PIK3R3: variants seen among roughly 807,000 people sequenced by gnomAD.
The protein encoded by PIK3R3 is phosphoinositide-3-kinase regulatory subunit 3, also known as phosphatidylinositol 3-kinase regulatory subunit gamma.
In PIK3R3, 64 loss-of-function variants were observed where a neutral mutation model predicts 62.9. That is an observed-to-expected ratio of 1.02 (90% CI 0.83 to 1.25). PIK3R3 has a LOEUF of 1.25. Among genes scored for constraint, PIK3R3 ranks in the 50% most tolerant of loss-of-function variants. The pLI is 0.00. For missense variants in PIK3R3, 614 were observed against 561.6 expected (o/e 1.09, Z -0.94); for synonymous variants, 165 against 189.0 (o/e 0.87, Z 1.04).
At chr1:46,135,741 G>A (rs992372660), upstream of PIK3R3, among the ~76,000 whole-genome samples, 3 of 152,092 alleles carry the variant, frequency 2.0e-5, no homozygotes, top group Non-Finnish European at 4.4e-5. Context: ...TAAAAGCCTT[G>A]CAAAATGGGG....
intron 2 of PIK3R3, among the ~76,000 whole-genome samples, chr1:46,080,429 G>A (rs569584867): frequency 6.6e-6 from 1 of 151,696 alleles, no homozygotes; most frequent in Non-Finnish European, 1.5e-5. Context: ...AGAGTTGGGG[G>A]TCTTACTCTG....
intron 6 of PIK3R3, among the ~76,000 whole-genome samples, chr1:46,059,044 C>T (rs1315033353): frequency 6.6e-6 from 1 of 152,222 alleles, no homozygotes; most frequent in Non-Finnish European, 1.5e-5. Flanking sequence ...GCGGTTTCCC[C>T]ACTACTGTTC....
chr1:46,116,116 T>C (rs1396524633), intron 1 of PIK3R3, among the ~76,000 whole-genome samples: 1 of 152,202 alleles, frequency 6.6e-6, no homozygotes, highest in East Asian at 1.9e-4. Flanking sequence ...ATGGAATAAA[T>C]ACTTAAATTA....
the PIK3R3 span, among the ~76,000 whole-genome samples, chr1:46,142,296 A>G: frequency 6.6e-6 from 1 of 152,238 alleles, no homozygotes; most frequent in Non-Finnish European, 1.5e-5. Context: ...TATCTGAGCT[A>G]GTTCCTTTTC....
chr1:46,167,688 G>A, the PIK3R3 span, among the ~76,000 whole-genome samples: 2 of 152,194 alleles, frequency 1.3e-5, no homozygotes, highest in Admixed American at 6.5e-5. Context: ...TGTGCTCACA[G>A]AGCACAGGCA....
Position 46,059,075 on chromosome 1 carries a change from C to A in PIK3R3, c.764+2854G>T, listed in dbSNP as rs573976248. ...TGTTCTCATTGTAGTGAGTAAGTTT[C>A]ACGAGATCTGATGGTTTTATCAGGG... On this transcript the variant is annotated intron_variant, in intron 6 of 9. Coordinates refer to ENST00000262741, the MANE Select transcript of PIK3R3 (RefSeq NM_003629.4). Among the ~76,000 whole-genome samples, 106 of 152,312 alleles carry A rather than the reference C, an allele frequency of 7.0e-4. 1 individual carries two copies. The highest frequency in any genetic ancestry group is 2.5e-3 in the African/African-American group (104 of 41,558).
In PIK3R3 at chr1:46,044,911, A is replaced by C. The variant is rs567076256; in HGVS notation, c.1187+1007T>G. Among the ~76,000 whole-genome samples, 1 of 152,244 alleles carries C rather than the reference A, an allele frequency of 6.6e-6. No homozygotes were observed. Among genetic ancestry groups the C allele is most frequent in the Non-Finnish European group, 1.5e-5 (1 of 68,044 alleles). On this transcript the variant is annotated intron_variant, in intron 9 of 9. Coordinates refer to ENST00000262741, the MANE Select transcript of PIK3R3 (RefSeq NM_003629.4). The surrounding 1 kb of genome is among the most constrained non-coding windows in gnomAD (Gnocchi z 4.2). ...TCTGACTCCATGATACAAGTAGAGC[A>C]CTATGAACAAGATGATCACATAAAG...
upstream of PIK3R3, chr1:46,133,162 G>C (rs1655774952): frequency 1.2e-5 from 3 of 260,156 alleles, no homozygotes; most frequent in Non-Finnish European, 1.8e-5. Context: ...CGATTGGTCA[G>C]AGCCCAGTTA....
chr1:46,041,987 G>A lies in PIK3R3; in HGVS notation c.*1686C>T, dbSNP rs574440818. The stretch of plus-strand genomic sequence containing the variant: ...TATTTTTCTTTCACCCCCAGAACTA[G>A]AGCTTTCCTAGCTGTAAGCCTTATA... On this transcript the variant is annotated 3_prime_UTR_variant, in exon 10 of 10. Coordinates refer to ENST00000262741, the MANE Select transcript of PIK3R3 (RefSeq NM_003629.4). 76 of 221,598 alleles carry A rather than the reference G, an allele frequency of 3.4e-4. No homozygotes were observed. Among genetic ancestry groups the A allele is most frequent in the African/African-American group, 1.6e-3 (70 of 44,862 alleles). The allele number at this position is 221,598 out of a possible 1,614,324, so 13.7% of individuals were successfully genotyped here.
intron 1 of PIK3R3, among the ~76,000 whole-genome samples, chr1:46,130,011 C>T (rs1655437009): frequency 1.3e-5 from 2 of 152,132 alleles, no homozygotes; most frequent in East Asian, 1.9e-4. Context: ...CCCACGTCTC[C>T]ATATAGTTAT....
At chr1:46,146,498 G>C in the PIK3R3 span, among the ~76,000 whole-genome samples, 1 of 152,058 alleles carries the variant, frequency 6.6e-6, no homozygotes, top group Non-Finnish European at 1.5e-5. Context: ...TAAGGGCCCT[G>C]CCTCCCATCT....
At chr1:46,045,803 C>T (rs1647100023) in intron 9 of PIK3R3, 115 bp downstream of exon 9, 2 of 875,526 alleles carry the variant, frequency 2.3e-6, no homozygotes, top group Non-Finnish European at 3.7e-6. Context: ...ATGGTCCGAG[C>T]CATGGGTCCT....
Position 46,080,627 on chromosome 1 carries a change from T to C in PIK3R3, c.215+15A>G, listed in dbSNP as rs1376803069. ...TTTAAAAAACTGCATTCAATTACAG[T>C]AGCATTCTAGTTACCTTGAAATATC... On this transcript the variant is annotated intron_variant, in intron 2 of 9. Coordinates refer to ENST00000262741, the MANE Select transcript of PIK3R3 (RefSeq NM_003629.4). 2.7e-6 allele frequency: 4 copies of C among 1,483,502 alleles called. No individual in the cohort carries two copies. The highest frequency in any genetic ancestry group is 3.8e-6 in the Non-Finnish European group (4 of 1,066,148). 91.9% of individuals were successfully genotyped at this position (1,483,502 alleles called of 1,614,324 possible).
rs866886374 is a variant in PIK3R3 at position 46,075,467 on chromosome 1, C to A, written c.314+2048G>T. ...CCATCTCTACAAAAAATAAAAAACACAAAAACTAGCTGGGTGTGGTGGCAT... is the reference window on the plus strand; with the variant it reads ...CCATCTCTACAAAAAATAAAAAACAAAAAAACTAGCTGGGTGTGGTGGCAT... On this transcript the variant is annotated intron_variant, in intron 3 of 9. Transcript: ENST00000262741. 2.8e-4 allele frequency among the ~76,000 whole-genome samples: 42 copies of A among 152,126 alleles called. 1 individual carries two copies. In the Middle Eastern group the frequency reaches 0.034, roughly 123 times the overall value.
chr1:46,056,332 T>TG (rs1647912083), intron 6 of PIK3R3: 2 of 172,702 alleles, frequency 1.2e-5, no homozygotes, highest in African/African-American at 4.8e-5. Flanking sequence ...ATTACAGGCG[T>TG]GAGCCATTGC....
the PIK3R3 span, among the ~76,000 whole-genome samples, chr1:46,158,915 G>A: frequency 1.8e-4 from 27 of 151,928 alleles, no homozygotes; most frequent in South Asian, 6.2e-4. Context: ...GTGACACCCC[G>A]TCTCTACTAA....
At chr1:46,104,946 A>AAAC (rs1343064396) in intron 1 of PIK3R3, 1 of 552,510 alleles carries the variant, frequency 1.8e-6, no homozygotes, top group African/African-American at 1.9e-5. Context: ...AAAAAAAAAA[A>AAAC]AAAACACACA....
At chr1:46,104,986 G>A (rs1035206002) in intron 1 of PIK3R3, 6 of 697,896 alleles carry the variant, frequency 8.6e-6, no homozygotes, top group African/African-American at 1.8e-5. Context: ...AAAGCATTCT[G>A]CAAACAATCG....
At chr1:46,102,452 C>T (rs1393118889) in intron 1 of PIK3R3, among the ~76,000 whole-genome samples, 1 of 152,040 alleles carries the variant, frequency 6.6e-6, no homozygotes, top group Non-Finnish European at 1.5e-5. Context: ...TTATCTTTAG[C>T]TTTTTATACA....
Sources: allele counts gnomAD v4.1 joint callset (sites outside exome capture counted in the v4.1 genomes callset), GRCh38; gene constraint gnomAD v4.1.1; non-coding constraint Gnocchi (gnomAD v3.1); transcripts MANE v1.5; gene names NCBI Gene and HGNC (gene_info 2026-07-23, HGNC 2026-07-21).